The following RNF149 variants were observed in gnomAD, a reference collection of about 807,000 sequenced individuals.
RNF149 encodes ring finger protein 149.
Under a neutral mutation model 39.0 loss-of-function variants are expected in RNF149, and 21 were observed. The ratio of observed to expected loss-of-function variants is 0.54; its 90% CI spans 0.38 to 0.77. The LOEUF (loss-of-function observed/expected upper bound fraction) is 0.77. Ranked by LOEUF, RNF149 falls within the 30% of genes least tolerant of loss-of-function variation. RNF149 has a pLI of 0.00. For missense variants in RNF149, 493 were observed against 534.9 expected (o/e 0.92, Z 0.77); for synonymous variants, 209 against 213.6 (o/e 0.98, Z 0.19).
downstream of RNF149, among the ~76,000 whole-genome samples, chr2:101,272,443 G>A (rs1682163618): frequency 6.6e-6 from 1 of 152,036 alleles, no homozygotes; most frequent in Non-Finnish European, 1.5e-5. Context: ...TAATCCAAAT[G>A]TTAGTATTTT....
rs193289883 is a variant in RNF149, at chr2:101,289,515, G to C, written c.781-460C>G. 1.1e-3 allele frequency among the ~76,000 whole-genome samples: 161 copies of C among 152,106 alleles called. 2 individuals are homozygous for C. The highest frequency in any genetic ancestry group is 3.3e-3 in the African/African-American group (139 of 41,500). ...GGGTCAGGAGATTGAGACCATCCTG[G>C]CCAACATGGTGAAACCTCATCTTTA... On this transcript the variant is annotated intron_variant, in intron 3 of 6. Coordinates refer to ENST00000295317, the MANE Select transcript of RNF149 (RefSeq NM_173647.4).
At chr2:101,304,099 C>A (rs1385775158) in intron 1 of RNF149, among the ~76,000 whole-genome samples, 1 of 152,184 alleles carries the variant, frequency 6.6e-6, no homozygotes, top group Non-Finnish European at 1.5e-5. Flanking sequence ...TTTTGCAATA[C>A]CTGCATTAAA....
chr2:101,280,606 T>C (rs965965649), intron 6 of RNF149, among the ~76,000 whole-genome samples: 10 of 151,948 alleles, frequency 6.6e-5, no homozygotes, highest in Admixed American at 1.3e-4. Context: ...ATAATTTCTA[T>C]CTGGAAAGTA....
Position 101,308,411 on chromosome 2 carries a change from C to T in RNF149, c.178G>A (p.Glu60Lys), listed in dbSNP as rs745712285. ...GAGCTGTCGCCGAAGCGGCCACTCT[C>T]CGAGACGCTCCACACCGTCAGGTTG... is the stretch of plus-strand genomic sequence containing the variant. ...QTNLTVWSVSESGRFGDSSPK... is the reference protein window; with the variant it reads ...QTNLTVWSVSKSGRFGDSSPK... Residue 60 changes from glutamate to lysine, a missense_variant, in exon 1 of 7, where the codon GAG becomes AAG. Glu to Lys is a moderately conservative substitution (Grantham distance 56). Coordinates refer to ENST00000295317, the MANE Select transcript of RNF149 (RefSeq NM_173647.4). 13 of 1,611,360 alleles carry T rather than the reference C, an allele frequency of 8.1e-6. No individual in the cohort carries two copies. The highest frequency in any genetic ancestry group is 1.1e-5 in the South Asian group (1 of 90,932).
At chr2:101,285,690 T>C (rs1163579893) in intron 5 of RNF149, among the ~76,000 whole-genome samples, 3 of 152,248 alleles carry the variant, frequency 2.0e-5, no homozygotes, top group African/African-American at 7.2e-5. Flanking sequence ...ATGTTAAGTA[T>C]TGGCTTTGTT....
At chr2:101,286,360 C>T in intron 4 of RNF149, 183 bp from the exon 5 acceptor site, 1 of 446,716 alleles carries the variant, frequency 2.2e-6, no homozygotes, top group Non-Finnish European at 4.0e-6. Context: ...TCTGGCACTT[C>T]TAGGGAAATT....
chr2:101,301,423 GCTCAGGCGAACCTCCCAT>G (rs1385957059), intron 1 of RNF149, among the ~76,000 whole-genome samples: 1 of 151,708 alleles, frequency 6.6e-6, no homozygotes, highest in Non-Finnish European at 1.5e-5. Context: ...GACCTCCCAG[GCTCAGGCGAACCTCCCAT>G]CTCAGCCTCT....
chr2:101,302,200 T>G (rs1464570772), intron 1 of RNF149, among the ~76,000 whole-genome samples: 1 of 152,180 alleles, frequency 6.6e-6, no homozygotes, highest in African/African-American at 2.4e-5. Context: ...TTCTTATTTG[T>G]TTTTGTAGCC....
intron 1 of RNF149, chr2:101,307,780 G>A (rs1181512864): frequency 3.1e-6 from 3 of 981,454 alleles, no homozygotes; most frequent in East Asian, 1.1e-4. Flanking sequence ...TCACCCCTCC[G>A]ACTTTGGGAA....
chr2:101,303,862 C>G (rs1409953797), intron 1 of RNF149, among the ~76,000 whole-genome samples: 1 of 152,140 alleles, frequency 6.6e-6, no homozygotes, highest in African/African-American at 2.4e-5. Flanking sequence ...TGGCAGATTC[C>G]CAAATATAGC....
intron 1 of RNF149, among the ~76,000 whole-genome samples, chr2:101,305,706 T>A (rs758510957): frequency 6.6e-6 from 1 of 150,522 alleles, no homozygotes; most frequent in Non-Finnish European, 1.5e-5. Flanking sequence ...GTGAGGGGGG[T>A]ATGAACAGGG....
At chr2:101,274,194 C>T (rs564290496), downstream of RNF149, among the ~76,000 whole-genome samples, 146 of 152,272 alleles carry the variant, frequency 9.6e-4, 2 homozygotes, top group Non-Finnish European at 2.4e-4. Flanking sequence ...CATCTTTCAC[C>T]TTGCCAAAGA....
Position 101,275,973 on chromosome 2 carries a change from T to C in RNF149, c.*1265A>G, listed in dbSNP as rs78019101. The C allele has an allele frequency of 6.1e-3, 5,909 of 966,942 alleles. 274 individuals carry two copies. In the African/African-American group the frequency reaches 0.097, roughly 16 times the overall value. 59.9% of individuals were successfully genotyped at this position (966,942 alleles called of 1,614,324 possible). A position where few individuals can be genotyped will look rare whatever the true frequency, so the allele number is the denominator to read the frequency against. On this transcript the variant is annotated 3_prime_UTR_variant, in exon 7 of 7. Coordinates refer to ENST00000295317, the MANE Select transcript of RNF149 (RefSeq NM_173647.4). ...TGTAGAGTTTATTTCAGTAAAACTGTTTACTATTTCATGATGAGTAGCTAG... is the reference window on the plus strand; with the variant it reads ...TGTAGAGTTTATTTCAGTAAAACTGCTTACTATTTCATGATGAGTAGCTAG...
intron 1 of RNF149, among the ~76,000 whole-genome samples, chr2:101,306,933 A>C (rs1228691712): frequency 6.6e-6 from 1 of 152,234 alleles, no homozygotes; most frequent in Non-Finnish European, 1.5e-5. Flanking sequence ...TAGCAGTGGA[A>C]ACTGAAAACA....
intron 4 of RNF149, chr2:101,288,761 C>T (rs538082487): frequency 6.6e-6 from 3 of 452,084 alleles, no homozygotes; most frequent in Admixed American, 4.2e-5. Flanking sequence ...AGATACTTAA[C>T]GAGTCTTAGT....
rs765916068 is a variant in RNF149, at chr2:101,308,252, C to A, written c.337G>T (p.Val113Leu). 5 of 1,585,808 alleles carry A rather than the reference C, an allele frequency of 3.2e-6. No individual in the cohort carries two copies. Among genetic ancestry groups the A allele is most frequent in the Non-Finnish European group, 4.3e-6 (5 of 1,168,022 alleles). The change falls in exon 1 of 7, where the codon GTG becomes TTG. Residue 113 changes from valine (V) to leucine (L), a missense_variant. By Grantham distance (32) the Val-to-Leu change is conservative. Transcript: ENST00000295317. ...TTGAAGGTGCAGCCCCCACGAGCCA[C>A]CAGGGCGACCCAGGGCGCGGCCCCT... Reference protein sequence around the residue: ...GRGAAPWVALVARGGCTFKDK... With the variant: ...GRGAAPWVALLARGGCTFKDK...
chr2:101,281,002 C>T (rs981624634), intron 6 of RNF149, among the ~76,000 whole-genome samples: 1 of 152,082 alleles, frequency 6.6e-6, no homozygotes, highest in African/African-American at 2.4e-5. Flanking sequence ...TCACTACACT[C>T]CAGCCAGGGT....
rs1201528746 is a variant in RNF149 at position 101,295,089 on chromosome 2, T to C, written c.553A>G (p.Ile185Val). 6 of 1,614,108 alleles carry C rather than the reference T, an allele frequency of 3.7e-6. No individual in the cohort carries two copies. The Admixed American group carries it at 5.0e-5, about 13-fold the overall frequency. The part of the protein sequence containing the change: ...VQKGIPVTMT[I>V]GVGTRHVQEF... Reference sequence around the variant, plus strand: ...TGTACATGCCGGGTGCCAACCCCTATGGTCATCGTTACTGGAATTCCTTTT... The same window carrying C: ...TGTACATGCCGGGTGCCAACCCCTACGGTCATCGTTACTGGAATTCCTTTT... The change falls in exon 2 of 7, where the codon ATA becomes GTA. Residue 185 changes from isoleucine to valine, a missense_variant. Ile to Val is a conservative substitution (Grantham distance 29). Transcript: ENST00000295317.
At chr2:101,297,882 A>C (rs1683297580) in intron 1 of RNF149, among the ~76,000 whole-genome samples, 1 of 152,214 alleles carries the variant, frequency 6.6e-6, no homozygotes, top group Admixed American at 6.5e-5. Context: ...ACACATGAAA[A>C]GTCTTCCTTG....
Sources: allele counts gnomAD v4.1 joint callset (sites outside exome capture counted in the v4.1 genomes callset), GRCh38; gene constraint gnomAD v4.1.1; transcripts MANE v1.5; gene names NCBI Gene and HGNC (gene_info 2026-07-23, HGNC 2026-07-21).